Variants in ATP10A observed in about 807,000 individuals in gnomAD.
ATP10A encodes the protein phospholipid-transporting ATPase VA.
Under a neutral mutation model 147.8 loss-of-function variants are expected in ATP10A, and 111 were observed. That is an observed-to-expected ratio of 0.75 (90% CI 0.64 to 0.88). ATP10A has a LOEUF of 0.88. Among genes scored for constraint, ATP10A ranks in the 40% least tolerant of loss-of-function variants. The probability of loss-of-function intolerance (pLI) is 0.00; values close to 1 mark genes in which losing one functional copy is unlikely to be tolerated. For synonymous variants in ATP10A, 875 were observed against 841.6 expected (o/e 1.04, Z -0.69); for missense variants, 1,927 against 1,959.0 (o/e 0.98, Z 0.31).
At chr15:25,701,260 C>T (rs1422027060) in intron 13 of ATP10A, among the ~76,000 whole-genome samples, 1 of 152,150 alleles carries the variant, frequency 6.6e-6, no homozygotes, top group African/African-American at 2.4e-5. Context: ...GACTCCCAAG[C>T]GACAAAGTCC....
chr15:25,835,655 C>T (rs1892557164), intron 1 of ATP10A, among the ~76,000 whole-genome samples: 1 of 152,134 alleles, frequency 6.6e-6, no homozygotes, highest in Admixed American at 6.6e-5. Context: ...CTTTAAGAGA[C>T]TGGGTCATAT....
At chr15:25,740,593 A>G (rs1165366708) in intron 2 of ATP10A, among the ~76,000 whole-genome samples, 2 of 152,178 alleles carry the variant, frequency 1.3e-5, no homozygotes, top group African/African-American at 4.8e-5. Flanking sequence ...ATTTCCCTTC[A>G]TGATACTCCC....
chr15:25,806,064 T>A (rs1432502385), intron 1 of ATP10A, among the ~76,000 whole-genome samples: 1 of 152,194 alleles, frequency 6.6e-6, no homozygotes, highest in Non-Finnish European at 1.5e-5. Context: ...TCATTCCACG[T>A]ACTACATGAA....
intron 1 of ATP10A, among the ~76,000 whole-genome samples, chr15:25,850,358 A>G (rs1447095198): frequency 6.6e-6 from 1 of 152,122 alleles, no homozygotes; most frequent in Non-Finnish European, 1.5e-5. Context: ...GCAGCACTGG[A>G]GATGACCGAG....
At chr15:25,834,112 A>G (rs1052016133) in intron 1 of ATP10A, among the ~76,000 whole-genome samples, 10 of 152,216 alleles carry the variant, frequency 6.6e-5, no homozygotes, top group African/African-American at 2.4e-4. Context: ...TCCACAATGT[A>G]TATATATTTC....
chr15:25,792,508 C>T (rs911949140), intron 1 of ATP10A, among the ~76,000 whole-genome samples: 2 of 152,196 alleles, frequency 1.3e-5, no homozygotes, highest in African/African-American at 4.8e-5. Context: ...GGGGGCCAAC[C>T]CCAGACCCAC....
intron 6 of ATP10A, among the ~76,000 whole-genome samples, chr15:25,722,616 G>A (rs780966010): frequency 3.3e-5 from 5 of 152,184 alleles, no homozygotes; most frequent in South Asian, 2.1e-4. Flanking sequence ...ACTGAAGTAC[G>A]TTAATCAAAC....
rs77021778 is a variant in ATP10A at position 25,855,063 on chromosome 15, A to C, written c.449+7585T>G. On this transcript the variant is annotated intron_variant, in intron 1 of 20. Coordinates refer to ENST00000555815, the MANE Select transcript of ATP10A (RefSeq NM_024490.4). ...AACAAGAGTGAAACTCCGTCTCACA[A>C]AAAAAAAAAAAAAACAGAAAAAAAG... Among the ~76,000 whole-genome samples, 992 of 106,032 alleles carry C rather than the reference A, an allele frequency of 9.4e-3. 10 individuals carry two copies. Among genetic ancestry groups the C allele is most frequent in the African/African-American group, 0.029 (869 of 29,520 alleles). The allele number at this position is 106,032 out of a possible 152,430, so 69.6% of individuals were successfully genotyped here. A position where few individuals can be genotyped will look rare whatever the true frequency, so the allele number is the denominator to read the frequency against.
intron 13 of ATP10A, among the ~76,000 whole-genome samples, chr15:25,695,553 T>C (rs936496249): frequency 1.3e-5 from 2 of 152,040 alleles, no homozygotes; most frequent in Admixed American, 1.3e-4. Context: ...GGCATGAACC[T>C]GGGAGGCGGA....
chr15:25,688,155 T>C (rs747472817), intron 15 of ATP10A, among the ~76,000 whole-genome samples: 1 of 152,250 alleles, frequency 6.6e-6, no homozygotes, highest in Non-Finnish European at 1.5e-5. Context: ...CAGAGATACA[T>C]GGTGTTTATC....
chr15:25,856,932 A>G (rs1428804606), intron 1 of ATP10A, among the ~76,000 whole-genome samples: 1 of 152,204 alleles, frequency 6.6e-6, no homozygotes, highest in Non-Finnish European at 1.5e-5. Context: ...CCCATAGGAC[A>G]AATAACCCAA....
At chr15:25,789,268 A>AT (rs1268584594) in intron 1 of ATP10A, among the ~76,000 whole-genome samples, 4 of 152,100 alleles carry the variant, frequency 2.6e-5, no homozygotes, top group Non-Finnish European at 2.9e-5. Flanking sequence ...GCCAGAATAC[A>AT]TTTTTTAAGA....
intron 2 of ATP10A, among the ~76,000 whole-genome samples, chr15:25,762,437 C>A (rs1467000121): frequency 6.6e-6 from 1 of 152,050 alleles, no homozygotes; most frequent in Non-Finnish European, 1.5e-5. Flanking sequence ...CCACCACGCC[C>A]GGCAAATTCG....
chr15:25,712,616 C>A (rs1427221559), intron 10 of ATP10A, among the ~76,000 whole-genome samples: 1 of 152,142 alleles, frequency 6.6e-6, no homozygotes, highest in Non-Finnish European at 1.5e-5. Context: ...AAACAAGAAT[C>A]GATTTTCAGA....
At chr15:25,754,852 G>A (rs1356414157) in intron 2 of ATP10A, among the ~76,000 whole-genome samples, 3 of 152,106 alleles carry the variant, frequency 2.0e-5, no homozygotes, top group Admixed American at 6.6e-5. Flanking sequence ...TATTGAAGAA[G>A]TGCACTTGAG....
chr15:25,808,534 G>A (rs748659725), intron 1 of ATP10A, among the ~76,000 whole-genome samples: 50 of 152,266 alleles, frequency 3.3e-4, no homozygotes, highest in Non-Finnish European at 5.3e-4. Flanking sequence ...ACAGGCATGC[G>A]CCACCACGCC....
At chr15:25,712,741 G>A (rs1342275988) in intron 10 of ATP10A, among the ~76,000 whole-genome samples, 2 of 151,964 alleles carry the variant, frequency 1.3e-5, no homozygotes, top group African/African-American at 4.8e-5. Flanking sequence ...TCATCATCAT[G>A]GAAGGTCATC....
chr15:25,753,771 A>G (rs1203732918), intron 2 of ATP10A, among the ~76,000 whole-genome samples: 1 of 148,566 alleles, frequency 6.7e-6, no homozygotes, highest in Non-Finnish European at 1.5e-5. Context: ...AGTTATATAT[A>G]TGATATATGT....
Position 25,680,309 on chromosome 15 carries a change from C to G in ATP10A, c.3679-1G>C, listed in dbSNP as rs1475257891. The G allele has an allele frequency of 6.2e-7, 1 of 1,613,594 alleles. No individual in the cohort carries two copies. Among genetic ancestry groups the G allele is most frequent in the Non-Finnish European group, 8.5e-7 (1 of 1,179,718 alleles). ...CACACGTTATCCAGTTGAGCCAGGT[C>G]TGAGGGGGAATGAGAAAGAAAGGGC... On this transcript the variant is annotated splice_acceptor_variant, in intron 19 of 20. Coordinates refer to ENST00000555815, the MANE Select transcript of ATP10A (RefSeq NM_024490.4). LOFTEE classifies it high-confidence loss of function.
Sources: allele counts gnomAD v4.1 joint callset (sites outside exome capture counted in the v4.1 genomes callset), GRCh38; gene constraint gnomAD v4.1.1; transcripts MANE v1.5; gene names NCBI Gene and HGNC (gene_info 2026-07-23, HGNC 2026-07-21).